The following SNX29 variants were observed in gnomAD, a reference collection of about 807,000 sequenced individuals.
The protein encoded by SNX29 is sorting nexin-29.
A neutral mutation model predicts 102.1 loss-of-function variants in SNX29; 78 were observed. That is an observed-to-expected ratio of 0.76 (90% CI 0.64 to 0.92). The LOEUF (loss-of-function observed/expected upper bound fraction) is 0.92. Among genes scored for constraint, SNX29 ranks in the 40% least tolerant of loss-of-function variants. The pLI is 0.00. For missense variants in SNX29, 1,280 were observed against 1,061.7 expected (o/e 1.21, Z -2.86); for synonymous variants, 580 against 414.5 (o/e 1.40, Z -4.85).
intron 20 of SNX29, among the ~76,000 whole-genome samples, chr16:12,549,542 A>AAAT: frequency 6.6e-6 from 1 of 152,300 alleles, no homozygotes; most frequent in African/African-American, 2.4e-5. Context: ...AATAGCCAGT[A>AAAT]AGGCATGGAG....
At chr16:12,364,817 C>T (rs1362964939) in intron 16 of SNX29, among the ~76,000 whole-genome samples, 1 of 152,156 alleles carries the variant, frequency 6.6e-6, no homozygotes, top group East Asian at 1.9e-4. Context: ...CTTGGTAAGA[C>T]TTGCTGCCTG....
At chr16:12,197,764 C>G (rs1442176274) in intron 13 of SNX29, among the ~76,000 whole-genome samples, 1 of 152,144 alleles carries the variant, frequency 6.6e-6, no homozygotes, top group Non-Finnish European at 1.5e-5. Context: ...CTAAGGGACT[C>G]CCTTGTGGTT....
intron 4 of SNX29, among the ~76,000 whole-genome samples, chr16:12,039,428 C>G (rs183742248): frequency 1.1e-3 from 169 of 152,252 alleles, no homozygotes; most frequent in Non-Finnish European, 2.1e-3. Flanking sequence ...CCCTTAGGGA[C>G]GAGTTCTTGT....
At chr16:12,244,149 G>C (rs1023866904) in intron 14 of SNX29, among the ~76,000 whole-genome samples, 7 of 152,096 alleles carry the variant, frequency 4.6e-5, no homozygotes, top group African/African-American at 1.7e-4. Context: ...GAGCTCAGGC[G>C]GTGATGCTCA....
chr16:11,979,714 G>T (rs550969721), intron 1 of SNX29, among the ~76,000 whole-genome samples: 20 of 152,302 alleles, frequency 1.3e-4, no homozygotes, highest in African/African-American at 2.6e-4. Flanking sequence ...CTCCCAAGTA[G>T]CTGGGACTAT....
At chr16:12,018,744 G>T (rs1596606603) in intron 3 of SNX29, among the ~76,000 whole-genome samples, 8 of 145,442 alleles carry the variant, frequency 5.5e-5, no homozygotes, top group African/African-American at 5.0e-5. Context: ...ACTTTTTTTT[G>T]TCTTTTTTTT....
intron 18 of SNX29, among the ~76,000 whole-genome samples, chr16:12,436,349 G>A (rs555597678): frequency 4.6e-5 from 7 of 152,358 alleles, no homozygotes; most frequent in African/African-American, 1.2e-4. Context: ...ACACAGCACC[G>A]TTTTTAGTAC....
intron 16 of SNX29, among the ~76,000 whole-genome samples, chr16:12,380,408 C>CT: frequency 1.0e-5 from 1 of 95,960 alleles, no homozygotes; most frequent in South Asian, 5.6e-4. Flanking sequence ...TCCATCCACC[C>CT]ACCCACCCAC....
chr16:12,484,411 C>T (rs1049850098), intron 19 of SNX29, among the ~76,000 whole-genome samples: 2 of 152,154 alleles, frequency 1.3e-5, no homozygotes, highest in African/African-American at 4.8e-5. Flanking sequence ...AGCCTATTTT[C>T]CACGCTGTAG....
At chr16:12,563,500 GGA>G (rs2078847818) in intron 20 of SNX29, among the ~76,000 whole-genome samples, 1 of 152,154 alleles carries the variant, frequency 6.6e-6, no homozygotes, top group African/African-American at 2.4e-5. Flanking sequence ...ATTAAAACGG[GGA>G]GACTCCTCCC....
chr16:12,168,734 A>G (rs1298934772), intron 13 of SNX29, among the ~76,000 whole-genome samples: 1 of 152,216 alleles, frequency 6.6e-6, no homozygotes, highest in East Asian at 1.9e-4. Context: ...TCTTCTTAAC[A>G]ATAACGTATT....
intron 18 of SNX29, among the ~76,000 whole-genome samples, chr16:12,448,213 C>G (rs561925175): frequency 2.0e-5 from 3 of 152,344 alleles, no homozygotes; most frequent in Non-Finnish European, 2.9e-5. Context: ...GCGTCCGGGT[C>G]TGTCTCACTT....
intron 18 of SNX29, among the ~76,000 whole-genome samples, chr16:12,460,262 G>A (rs2086722765): frequency 6.6e-6 from 1 of 152,206 alleles, no homozygotes; most frequent in African/African-American, 2.4e-5. Flanking sequence ...TCCTTCAGAG[G>A]GGGAAACCCT....
chr16:11,996,309 A>T (rs184411691), intron 1 of SNX29, among the ~76,000 whole-genome samples: 10 of 152,288 alleles, frequency 6.6e-5, no homozygotes, highest in African/African-American at 1.2e-4. Context: ...GATTGAACCC[A>T]GGAGGTTGAG....
At chr16:12,468,573 C>G (rs905218293) in intron 18 of SNX29, among the ~76,000 whole-genome samples, 1 of 152,080 alleles carries the variant, frequency 6.6e-6, no homozygotes, top group African/African-American at 2.4e-5. Flanking sequence ...CAGCCCTCAT[C>G]TCCCTTTGAA....
In SNX29 at chr16:12,569,245, C is replaced by A. The variant is rs1156364884; in HGVS notation, c.*616C>A. The A allele has an allele frequency of 8.8e-6, 2 of 226,034 alleles. No homozygotes were observed. The highest frequency in any genetic ancestry group is 8.8e-6 in the Non-Finnish European group (1 of 113,856). 14.0% of individuals were successfully genotyped at this position (226,034 alleles called of 1,614,324 possible). A position where few individuals can be genotyped will look rare whatever the true frequency, so the allele number is the denominator to read the frequency against. On this transcript the variant is annotated 3_prime_UTR_variant, in exon 21 of 21. Transcript: ENST00000566228. ...ATATTCCTGTGGCTTTGGCAAGGAG[C>A]CATTAGTGATGTGCAACTTGAGTTC...
At chr16:12,563,498 G>T (rs139414309) in intron 20 of SNX29, among the ~76,000 whole-genome samples, 1 of 152,160 alleles carries the variant, frequency 6.6e-6, no homozygotes, top group Admixed American at 6.5e-5. Context: ...CTATTAAAAC[G>T]GGGAGACTCC....
At chr16:12,451,076 C>G (rs755117214) in intron 18 of SNX29, among the ~76,000 whole-genome samples, 2 of 152,128 alleles carry the variant, frequency 1.3e-5, no homozygotes, top group African/African-American at 2.4e-5. Context: ...TCTCCTGCCC[C>G]CAAAGTAGCC....
At chr16:12,174,286 T>G (rs2076213087) in intron 13 of SNX29, among the ~76,000 whole-genome samples, 1 of 152,194 alleles carries the variant, frequency 6.6e-6, no homozygotes, top group African/African-American at 2.4e-5. Context: ...AATTATGATG[T>G]GGGAAGTTTG....
Sources: allele counts gnomAD v4.1 joint callset (sites outside exome capture counted in the v4.1 genomes callset), GRCh38; gene constraint gnomAD v4.1.1; transcripts MANE v1.5; gene names NCBI Gene and HGNC (gene_info 2026-07-23, HGNC 2026-07-21).